The following CDH18 variants were observed in gnomAD, a reference collection of about 807,000 sequenced individuals.
CDH18 encodes cadherin 18.
CDH18 carries 31 observed loss-of-function variants against 67.9 expected under a neutral mutation model. That is an observed-to-expected ratio of 0.46 (90% CI 0.34 to 0.62). The LOEUF (loss-of-function observed/expected upper bound fraction) is 0.62. Ranked by LOEUF, CDH18 falls within the 20% of genes least tolerant of loss-of-function variation. CDH18 has a pLI of 0.01. For synonymous variants in CDH18, 362 were observed against 347.2 expected (o/e 1.04, Z -0.48); for missense variants, 890 against 975.5 (o/e 0.91, Z 1.17).
At chr5:20,443,720 A>G (rs1749801056) in intron 1 of CDH18, among the ~76,000 whole-genome samples, 1 of 152,030 alleles carries the variant, frequency 6.6e-6, no homozygotes. Context: ...TACACTTACA[A>G]TACTTGTCTT....
At chr5:19,503,641 A>G (rs1743626888) in intron 10 of CDH18, among the ~76,000 whole-genome samples, 1 of 152,048 alleles carries the variant, frequency 6.6e-6, no homozygotes, top group South Asian at 2.1e-4. Flanking sequence ...AGGTGCCCCA[A>G]ATGTCTAAAA....
At chr5:20,394,768 C>G (rs1414362080) in intron 1 of CDH18, among the ~76,000 whole-genome samples, 3 of 151,836 alleles carry the variant, frequency 2.0e-5, no homozygotes, top group Admixed American at 6.6e-5. Context: ...AAAAAGTGGG[C>G]AAATGATATG....
chr5:19,710,252 T>A (rs1764544146), intron 5 of CDH18, among the ~76,000 whole-genome samples: 1 of 152,108 alleles, frequency 6.6e-6, no homozygotes, highest in African/African-American at 2.4e-5. Context: ...ATAAGACAAT[T>A]AAAAAACCAT....
At chr5:20,549,512 AG>A (rs1757521105) in intron 1 of CDH18, among the ~76,000 whole-genome samples, 1 of 152,198 alleles carries the variant, frequency 6.6e-6, no homozygotes, top group South Asian at 2.1e-4. Flanking sequence ...TATAGAGGAA[AG>A]CACGGCCGAA....
chr5:20,177,189 C>T (rs541647597), intron 2 of CDH18, among the ~76,000 whole-genome samples: 1 of 152,132 alleles, frequency 6.6e-6, no homozygotes, highest in African/African-American at 2.4e-5. Flanking sequence ...TTTGCTGAAA[C>T]ATATTAAAAA....
chr5:20,039,071 T>C (rs191347881), intron 2 of CDH18, among the ~76,000 whole-genome samples: 22 of 131,510 alleles, frequency 1.7e-4, no homozygotes, highest in African/African-American at 5.4e-4. Flanking sequence ...GAGAGCCAAA[T>C]AGTGAGTGAA....
At chr5:20,261,639 GA>G (rs1261780643) in intron 1 of CDH18, among the ~76,000 whole-genome samples, 1 of 152,138 alleles carries the variant, frequency 6.6e-6, no homozygotes, top group Non-Finnish European at 1.5e-5. Flanking sequence ...TACTTGGGAG[GA>G]GAATGGCGTG....
chr5:20,293,927 G>A (rs189690669), intron 1 of CDH18, among the ~76,000 whole-genome samples: 1 of 152,254 alleles, frequency 6.6e-6, no homozygotes, highest in Admixed American at 6.5e-5. Flanking sequence ...AGTATTTGGG[G>A]CAGGTTTAAT....
intron 10 of CDH18, among the ~76,000 whole-genome samples, chr5:19,509,351 A>G (rs780458178): frequency 3.3e-5 from 5 of 152,084 alleles, no homozygotes; most frequent in Non-Finnish European, 5.9e-5. Context: ...AATGTTCACT[A>G]TTTGAGTAAT....
intron 2 of CDH18, among the ~76,000 whole-genome samples, chr5:19,956,497 T>C (rs1796269693): frequency 6.6e-6 from 1 of 151,856 alleles, no homozygotes; most frequent in Non-Finnish European, 1.5e-5. Context: ...TGATGCTCCT[T>C]ATAATTTTCT....
chr5:19,792,498 T>A (rs918128395), intron 3 of CDH18, among the ~76,000 whole-genome samples: 8 of 152,178 alleles, frequency 5.3e-5, no homozygotes, highest in Admixed American at 5.2e-4. Flanking sequence ...ATGGTAGGAC[T>A]GCTCAGTCTC....
intron 2 of CDH18, among the ~76,000 whole-genome samples, chr5:20,142,110 G>A (rs1326225699): frequency 6.6e-6 from 1 of 151,992 alleles, no homozygotes; most frequent in African/African-American, 2.4e-5. Context: ...TAGAGGAAGA[G>A]GAAGCAAATG....
At chr5:20,044,899 G>A (rs1317396435) in intron 2 of CDH18, among the ~76,000 whole-genome samples, 1 of 152,024 alleles carries the variant, frequency 6.6e-6, no homozygotes, top group African/African-American at 2.4e-5. Context: ...TTCCAGCCAT[G>A]ATCTTTATTT....
At chr5:20,487,577 C>T (rs1753281539) in intron 1 of CDH18, among the ~76,000 whole-genome samples, 1 of 150,714 alleles carries the variant, frequency 6.6e-6, no homozygotes, top group South Asian at 2.1e-4. Context: ...ATCAAATTTC[C>T]ACATTTGGGG....
At chr5:19,747,690 A>C (rs1310207631) in intron 3 of CDH18, among the ~76,000 whole-genome samples, 1 of 151,948 alleles carries the variant, frequency 6.6e-6, no homozygotes, top group Non-Finnish European at 1.5e-5. Flanking sequence ...GGTTCAAATT[A>C]ATTATTAAAA....
At chr5:20,035,460 C>G (rs1020456955) in intron 2 of CDH18, among the ~76,000 whole-genome samples, 13 of 152,002 alleles carry the variant, frequency 8.6e-5, no homozygotes, top group Non-Finnish European at 1.3e-4. Flanking sequence ...ACTCATACTT[C>G]TGCATGGCTG....
intron 3 of CDH18, among the ~76,000 whole-genome samples, chr5:19,774,963 C>T (rs554358417): frequency 6.6e-6 from 1 of 151,706 alleles, no homozygotes; most frequent in East Asian, 1.9e-4. Flanking sequence ...GGACTTTCAA[C>T]CTCCAGAACC....
At chr5:19,580,919 A>G (rs934618514) in intron 7 of CDH18, among the ~76,000 whole-genome samples, 3 of 151,966 alleles carry the variant, frequency 2.0e-5, no homozygotes, top group Non-Finnish European at 4.4e-5. Flanking sequence ...TAAATTCACC[A>G]TTAAAAGATA....
At chr5:19,484,194 A>T (rs1739978754) in intron 11 of CDH18, among the ~76,000 whole-genome samples, 1 of 152,204 alleles carries the variant, frequency 6.6e-6, no homozygotes, top group Non-Finnish European at 1.5e-5. Context: ...CCTGCATGAT[A>T]TATTGTGTTC....
Sources: gnomAD v4.1 joint callset for allele counts (sites outside exome capture counted in the v4.1 genomes callset) on GRCh38, gnomAD v4.1.1 for gene constraint, MANE v1.5 for transcripts, NCBI Gene and HGNC (gene_info 2026-07-23, HGNC 2026-07-21) for gene names.